SCARA3: variants seen among roughly 807,000 people sequenced by gnomAD.
SCARA3 encodes scavenger receptor class A member 3, also known as cellular stress response gene protein.
SCARA3 carries 39 observed loss-of-function variants against 47.0 expected under a neutral mutation model. That is an observed-to-expected ratio of 0.83 (90% confidence interval 0.64 to 1.08). The LOEUF is 1.08. Ranked by LOEUF, SCARA3 falls within the 50% of genes least tolerant of loss-of-function variation. The pLI is 0.00. For synonymous variants in SCARA3, 356 were observed against 334.1 expected, an observed-to-expected ratio of 1.07 and a Z score of -0.71; for missense variants, 724 against 792.3, an observed-to-expected ratio of 0.91 and a Z score of 1.04.
At chr8:27,636,988 C>T (rs1443297204) in intron 1 of SCARA3, among the ~76,000 whole-genome samples, 2 of 152,238 alleles carry the variant, frequency 1.3e-5, no homozygotes, top group Admixed American at 6.5e-5. Context: ...TTCCCGTGCT[C>T]CTCCAGAGGC....
At position 27,660,232 on chromosome 8, in the gene SCARA3, C is replaced by T. The variant is rs555261000; in HGVS notation, c.1369+693C>T. 2.6e-5 allele frequency among the ~76,000 whole-genome samples: 4 copies of T among 151,420 alleles called. No homozygotes were observed. In the East Asian group the frequency reaches 7.8e-4, roughly 29 times the overall value. ...GAGAGAGAGAGAGAGACAGAGAGAT[C>T]CACAGAAACAGAATCAATAGTGTAT... On this transcript the variant is annotated intron_variant, in intron 5 of 5. Coordinates refer to ENST00000301904, the MANE Select transcript of SCARA3 (RefSeq NM_016240.3).
chr8:27,670,944 G>A lies in SCARA3; in HGVS notation c.1414G>A (p.Gly472Ser). Reference sequence around the variant, plus strand: ...ACCAAGAGGATTCAAAGGAGATATGGGCGTGAAAGGGCCTGTTGGCGGCAG... The same window carrying A: ...ACCAAGAGGATTCAAAGGAGATATGAGCGTGAAAGGGCCTGTTGGCGGCAG... ...PGPRGFKGDM[G>S]VKGPVGGRGP... The change falls in exon 6 of 6, where the codon GGC becomes AGC. Residue 472 changes from glycine (G) to serine (S), a missense_variant. Physicochemically the swap from Gly to Ser is moderately conservative, Grantham distance 56. Transcript: ENST00000301904. 5 of 1,587,022 alleles carry A rather than the reference G, an allele frequency of 3.2e-6. No individual in the cohort carries two copies. The highest frequency in any genetic ancestry group is 4.3e-6 in the Non-Finnish European group (5 of 1,171,106).
the SCARA3 span, among the ~76,000 whole-genome samples, chr8:27,685,084 C>T: frequency 2.0e-5 from 3 of 152,066 alleles, no homozygotes; most frequent in African/African-American, 7.2e-5. Flanking sequence ...CAACAACAAA[C>T]CCTATGCAAT....
In SCARA3 at chr8:27,671,709, TGCACAC is replaced by T. The variant is rs1802168479; in HGVS notation, c.*359_*364del. 1 of 1,060,700 alleles carries T rather than the reference TGCACAC, an allele frequency of 9.4e-7. No individual in the cohort carries two copies. Among genetic ancestry groups the T allele is most frequent in the African/African-American group, 1.7e-5 (1 of 59,172 alleles). 65.7% of individuals were successfully genotyped at this position (1,060,700 alleles called of 1,614,324 possible). A position where few individuals can be genotyped will look rare whatever the true frequency, so the allele number is the denominator to read the frequency against. On this transcript the variant is annotated 3_prime_UTR_variant, in exon 6 of 6. Coordinates refer to ENST00000301904, the MANE Select transcript of SCARA3 (RefSeq NM_016240.3). ...GCACACATACACAGGCACACATGCA[TGCACAC>T]ATACACATGCACACACACATGCACA...
chr8:27,654,810 A>G (rs1340736294), intron 3 of SCARA3, among the ~76,000 whole-genome samples: 230 of 151,248 alleles, frequency 1.5e-3, no homozygotes, highest in African/African-American at 5.3e-3. Flanking sequence ...AAAGAAAAAG[A>G]AAAAAAGAAA....
chr8:27,722,653 A>G, the SCARA3 span, among the ~76,000 whole-genome samples: 1 of 152,144 alleles, frequency 6.6e-6, no homozygotes, highest in African/African-American at 2.4e-5. Flanking sequence ...CCCCAGCCTT[A>G]TCACTGCAAA....
intron 1 of SCARA3, among the ~76,000 whole-genome samples, chr8:27,649,079 T>C (rs890224586): frequency 2.6e-5 from 4 of 152,162 alleles, no homozygotes; most frequent in African/African-American, 4.8e-5. Flanking sequence ...ATACATCATC[T>C]AGGTTTTAGT....
At chr8:27,705,536 G>A in the SCARA3 span, among the ~76,000 whole-genome samples, 2 of 152,246 alleles carry the variant, frequency 1.3e-5, no homozygotes, top group African/African-American at 2.4e-5. Flanking sequence ...TTCAGATTCC[G>A]GCTGGGTGAC....
chr8:27,678,845 A>G (rs570263632), downstream of SCARA3, among the ~76,000 whole-genome samples: 7 of 152,336 alleles, frequency 4.6e-5, no homozygotes, highest in African/African-American at 1.4e-4. Flanking sequence ...GATGGATAAT[A>G]TAAGTGGGGT....
At chr8:27,650,848 A>G (rs1801615681) in intron 2 of SCARA3, among the ~76,000 whole-genome samples, 1 of 152,180 alleles carries the variant, frequency 6.6e-6, no homozygotes, top group South Asian at 2.1e-4. Flanking sequence ...CTGGTTTGCC[A>G]GGGACTGAGG....
the SCARA3 span, among the ~76,000 whole-genome samples, chr8:27,724,750 C>G: frequency 6.6e-6 from 1 of 152,166 alleles, no homozygotes; most frequent in African/African-American, 2.4e-5. Context: ...GCTGAAGGCA[C>G]TATTCTGAGA....
chr8:27,709,541 GC>G, the SCARA3 span, among the ~76,000 whole-genome samples: 1 of 152,172 alleles, frequency 6.6e-6, no homozygotes, highest in Non-Finnish European at 1.5e-5. Flanking sequence ...GCAGGGGGAG[GC>G]GCTTGGGGGC....
intron 5 of SCARA3, among the ~76,000 whole-genome samples, chr8:27,667,402 C>T (rs1412392314): frequency 6.6e-6 from 1 of 152,218 alleles, no homozygotes; most frequent in Admixed American, 6.5e-5. Context: ...CTCCTCCAGG[C>T]AGCACCTAGG....
chr8:27,672,778 A>G lies in SCARA3; in HGVS notation c.*1427A>G. The G allele has an allele frequency of 5.1e-6, 5 of 985,548 alleles. No individual in the cohort carries two copies. The highest frequency in any genetic ancestry group is 6.0e-6 in the Non-Finnish European group (5 of 830,026). 61.1% of individuals were successfully genotyped at this position (985,548 alleles called of 1,614,324 possible). ...CTAAAGCTGCTTTGCCTTCATGTTC[A>G]AACAGATTCAGGCACCACCCCCTCC... On this transcript the variant is annotated 3_prime_UTR_variant, in exon 6 of 6. Coordinates refer to ENST00000301904, the MANE Select transcript of SCARA3 (RefSeq NM_016240.3).
chr8:27,650,343 G>A (rs477490), intron 2 of SCARA3, among the ~76,000 whole-genome samples: 28,452 of 151,982 alleles, frequency 0.19, 3,260 homozygotes, highest in Middle Eastern at 0.33. Flanking sequence ...GGGTCCTCCC[G>A]AGACCCATCA....
chr8:27,695,521 G>GA, the SCARA3 span, among the ~76,000 whole-genome samples: 2 of 152,044 alleles, frequency 1.3e-5, no homozygotes, highest in Non-Finnish European at 2.9e-5. Flanking sequence ...AAATAAACCA[G>GA]AAAAATGTGA....
At chr8:27,684,054 G>A in the SCARA3 span, among the ~76,000 whole-genome samples, 5 of 152,164 alleles carry the variant, frequency 3.3e-5, no homozygotes, top group Admixed American at 6.5e-5. Context: ...GCAGGGAAGA[G>A]CAAGAGCTGA....
chr8:27,716,822 G>A, the SCARA3 span, among the ~76,000 whole-genome samples: 1 of 152,214 alleles, frequency 6.6e-6, no homozygotes, highest in African/African-American at 2.4e-5. Context: ...GAAATTTACA[G>A]TGGAGAAATC....
chr8:27,706,787 T>C, the SCARA3 span, among the ~76,000 whole-genome samples: 1 of 151,972 alleles, frequency 6.6e-6, no homozygotes, highest in Admixed American at 6.6e-5. Flanking sequence ...GTCGGGACTA[T>C]TTTTGGACTG....
Sources: allele counts gnomAD v4.1 joint callset (sites outside exome capture counted in the v4.1 genomes callset), GRCh38; gene constraint gnomAD v4.1.1; transcripts MANE v1.5; gene names NCBI Gene and HGNC (gene_info 2026-07-23, HGNC 2026-07-21).